ITGB7: variants seen among roughly 807,000 people sequenced by gnomAD.
The protein encoded by ITGB7 is integrin beta-7.
A neutral mutation model predicts 83.4 loss-of-function variants in ITGB7; 55 were observed. The ratio of observed to expected loss-of-function variants is 0.66; its 90% CI spans 0.53 to 0.83. ITGB7 has a LOEUF of 0.83. Ranked by LOEUF, ITGB7 falls within the 40% of genes least tolerant of loss-of-function variation. ITGB7 has a pLI of 0.00. For synonymous variants in ITGB7, 454 were observed against 423.6 expected (o/e 1.07, Z -0.88); for missense variants, 921 against 1,046.7 (o/e 0.88, Z 1.66).
chr12:53,204,067 C>T (rs190810592), intron 1 of ITGB7, among the ~76,000 whole-genome samples: 3 of 152,168 alleles, frequency 2.0e-5, no homozygotes, highest in Admixed American at 6.5e-5. Context: ...TACAGCAGAA[C>T]GTTATTTGGC....
chr12:53,201,169 T>C lies in ITGB7; in HGVS notation c.-101A>G, dbSNP rs1942314541. On this transcript the variant is annotated 5_prime_UTR_variant, in exon 2 of 16. Coordinates refer to ENST00000267082, the MANE Select transcript of ITGB7 (RefSeq NM_000889.3). ...CACTGGCTGTGGGGCAAGTCAGACTTTCTCTCTGGGCTTTAGTTTCCACAT... is the reference window on the plus strand; with the variant it reads ...CACTGGCTGTGGGGCAAGTCAGACTCTCTCTCTGGGCTTTAGTTTCCACAT... 1 of 152,190 alleles carries C rather than the reference T, an allele frequency of 6.6e-6. No homozygotes were observed. Among genetic ancestry groups the C allele is most frequent in the Admixed American group, 6.5e-5 (1 of 15,282 alleles). The allele number at this position is 152,190 out of a possible 1,614,324, so 9.4% of individuals were successfully genotyped here. A position where few individuals can be genotyped will look rare whatever the true frequency, so the allele number is the denominator to read the frequency against.
At position 53,191,604 on chromosome 12, in the gene ITGB7, C is replaced by A. The variant is rs150910345; in HGVS notation, c.2349G>T (p.Thr783=). Reference sequence around the variant, plus strand: ...CTTGAAAGCGAGGATTGATGGTGGTCGTGATGGCACTTTTGTAGAGAGGAT... The same window carrying A: ...CTTGAAAGCGAGGATTGATGGTGGTAGTGATGGCACTTTTGTAGAGAGGAT... ...DSNPLYKSAI[T]TTINPRFQEA... Residue 783 remains threonine (T), a synonymous_variant, in exon 16 of 16, where the codon ACG becomes ACT. Coordinates refer to ENST00000267082, the MANE Select transcript of ITGB7 (RefSeq NM_000889.3). The A allele has an allele frequency of 4.3e-6, 7 of 1,613,622 alleles. No homozygotes were observed. In the African/African-American group the frequency reaches 6.7e-5, roughly 15 times the overall value.
Position 53,191,383 on chromosome 12 carries a change from G to C in ITGB7, c.*173C>G. 4.7e-6 allele frequency: 3 copies of C among 635,782 alleles called. No homozygotes were observed. Among genetic ancestry groups the C allele is most frequent in the Non-Finnish European group, 8.5e-6 (3 of 351,058 alleles). 39.4% of individuals were successfully genotyped at this position (635,782 alleles called of 1,614,324 possible). On this transcript the variant is annotated 3_prime_UTR_variant, in exon 16 of 16. Transcript: ENST00000267082. ...TAGCCCAGATGGATGCAAGGTTGCA[G>C]GCATGGGAAGCAGCCCTCTTGGGTG...
chr12:53,205,811 G>A (rs1942430062), intron 1 of ITGB7, among the ~76,000 whole-genome samples: 1 of 152,284 alleles, frequency 6.6e-6, no homozygotes, highest in African/African-American at 2.4e-5. Flanking sequence ...GGGGTGGGGT[G>A]TTGAGTCCTT....
chr12:53,206,119 C>A (rs1942438292), intron 1 of ITGB7, among the ~76,000 whole-genome samples: 1 of 152,200 alleles, frequency 6.6e-6, no homozygotes, highest in Non-Finnish European at 1.5e-5. Context: ...ACCTTTCTTT[C>A]CAATTATCCT....
chr12:53,203,647 C>CAAAAAAAAAAAAAAAAAAAA (rs1158624130), intron 1 of ITGB7, among the ~76,000 whole-genome samples: 6 of 51,062 alleles, frequency 1.2e-4, no homozygotes, highest in Non-Finnish European at 2.3e-4. Context: ...GACCCTGTCT[C>CAAAAAAAAAAAAAAAAAAAA]AAAAAAAAAA....
At chr12:53,197,250 C>A in intron 5 of ITGB7, 4 of 601,490 alleles carry the variant, frequency 6.7e-6, no homozygotes, top group South Asian at 5.7e-5. Flanking sequence ...AGTGCCTGAG[C>A]ACAGTCTCTC....
chr12:53,191,817 G>C (rs1243769039), intron 15 of ITGB7, 42 bp downstream of exon 15: 1 of 1,611,296 alleles, frequency 6.2e-7, no homozygotes, highest in Non-Finnish European at 8.5e-7. Context: ...TCTTGTGGTG[G>C]GGGAACAGCT....
intron 1 of ITGB7, among the ~76,000 whole-genome samples, chr12:53,206,361 A>G (rs1257430174): frequency 1.3e-5 from 2 of 152,156 alleles, no homozygotes; most frequent in African/African-American, 4.8e-5. Flanking sequence ...CCTAAATTCC[A>G]TGAGGCCAGG....
chr12:53,196,857 C>T (rs183656192), intron 5 of ITGB7, 37 bp from the exon 6 acceptor site: 17 of 1,566,988 alleles, frequency 1.1e-5, no homozygotes, highest in African/African-American at 2.7e-5. Flanking sequence ...TGCCAGAAGT[C>T]GCAGGGCAGC....
rs779333736 is a variant in ITGB7 at position 53,194,248 on chromosome 12, C to T, written c.1258G>A (p.Gly420Ser). The change falls in exon 10 of 16, where the codon GGT becomes AGT. Residue 420 changes from glycine (G) to serine (S), a missense_variant. By Grantham distance (56) the Gly-to-Ser change is moderately conservative. Transcript: ENST00000267082. The stretch of plus-strand genomic sequence containing the variant: ...CACTGTCCTCGATCCTCAGCCTTAC[C>T]CTCCCTCTTCTCAGGACCCTCACAC... ...SQCEGPEKREGKAEDRGQCNH... is the reference protein window; with the variant it reads ...SQCEGPEKRESKAEDRGQCNH... 5.0e-6 allele frequency: 8 copies of T among 1,613,952 alleles called. 1 individual carries two copies. In the South Asian group the frequency reaches 5.5e-5, roughly 11 times the overall value.
At chr12:53,200,483 A>G in intron 2 of ITGB7, 37 bp from the exon 3 acceptor site, 1 of 1,559,200 alleles carries the variant, frequency 6.4e-7, no homozygotes, top group Non-Finnish European at 8.8e-7. Flanking sequence ...GTGGGTCCTC[A>G]GGGAGGACTC....
rs75891304 is a variant in ITGB7, at chr12:53,197,059, C to T, written c.575-239G>A. On this transcript the variant is annotated intron_variant, in intron 5 of 15. Coordinates refer to ENST00000267082, the MANE Select transcript of ITGB7 (RefSeq NM_000889.3). The stretch of plus-strand genomic sequence containing the variant: ...TGGGCAAATGGGAACTTCCAGAAGG[C>T]GGAAGAAGGCCCGGGTATAGGATAT... 5.0e-3 allele frequency: 2,893 copies of T among 574,072 alleles called. 50 individuals are homozygous for T. Among genetic ancestry groups the T allele is most frequent in the African/African-American group, 0.026 (1,382 of 53,524 alleles). The allele number at this position is 574,072 out of a possible 1,614,324, so 35.6% of individuals were successfully genotyped here. A position where few individuals can be genotyped will look rare whatever the true frequency, so the allele number is the denominator to read the frequency against.
At chr12:53,199,686 C>T (rs1425628904) in intron 3 of ITGB7, among the ~76,000 whole-genome samples, 1 of 151,984 alleles carries the variant, frequency 6.6e-6, no homozygotes, top group Non-Finnish European at 1.5e-5. Context: ...CCCCATCCCC[C>T]AACCCCATCC....
intron 1 of ITGB7, among the ~76,000 whole-genome samples, chr12:53,203,647 CAAAAAAAAAA>C (rs1158624130): frequency 1.6e-4 from 8 of 51,060 alleles, no homozygotes; most frequent in South Asian, 6.7e-4. Context: ...GACCCTGTCT[CAAAAAAAAAA>C]AAAAAAAAAA....
chr12:53,198,014 A>C lies in ITGB7; in HGVS notation c.202-63T>G, dbSNP rs1288399212. On this transcript the variant is annotated intron_variant, in intron 3 of 15. Coordinates refer to ENST00000267082, the MANE Select transcript of ITGB7 (RefSeq NM_000889.3). Reference sequence around the variant, plus strand: ...GCATAGGCCCTGGGCCCCGCTCCCAAAAACACCCTGCAAACCCGGCCACCT... The same window carrying C: ...GCATAGGCCCTGGGCCCCGCTCCCACAAACACCCTGCAAACCCGGCCACCT... 32 of 1,399,884 alleles carry C rather than the reference A, an allele frequency of 2.3e-5. No individual in the cohort carries two copies. The East Asian group carries it at 8.4e-4, about 37-fold the overall frequency. 86.7% of individuals were successfully genotyped at this position (1,399,884 alleles called of 1,614,324 possible). A position where few individuals can be genotyped will look rare whatever the true frequency, so the allele number is the denominator to read the frequency against.
At chr12:53,195,587 G>A (rs762453856) in intron 8 of ITGB7, 39 bp downstream of exon 8, 2 of 1,571,976 alleles carry the variant, frequency 1.3e-6, no homozygotes, top group East Asian at 4.5e-5. Context: ...AGAAAGGTTG[G>A]GATGGGGCTG....
At chr12:53,194,372 A>G in intron 9 of ITGB7, 28 bp from the exon 10 acceptor site, 1 of 1,611,774 alleles carries the variant, frequency 6.2e-7, no homozygotes, top group Admixed American at 1.7e-5. Context: ...GTGGATAACC[A>G]CGTGAAGGCA....
At chr12:53,193,470 G>T in intron 11 of ITGB7, 107 bp from the exon 12 acceptor site, 2 of 853,824 alleles carry the variant, frequency 2.3e-6, no homozygotes, top group Non-Finnish European at 3.6e-6. Flanking sequence ...GTTGGAGACA[G>T]ACAAACAGCT....
Sources: gnomAD v4.1 joint callset for allele counts (sites outside exome capture counted in the v4.1 genomes callset) on GRCh38, gnomAD v4.1.1 for gene constraint, MANE v1.5 for transcripts, NCBI Gene and HGNC (gene_info 2026-07-23, HGNC 2026-07-21) for gene names.